The following CPEB3 variants were observed in gnomAD, a reference collection of about 807,000 sequenced individuals.
CPEB3 encodes cytoplasmic polyadenylation element-binding protein 3.
A neutral mutation model predicts 67.2 loss-of-function variants in CPEB3; 20 were observed. That is an observed-to-expected ratio of 0.30 (90% CI 0.21 to 0.43). The LOEUF is 0.43. Ranked by LOEUF, CPEB3 falls within the 20% of genes least tolerant of loss-of-function variation. The pLI, the probability that CPEB3 is intolerant of heterozygous loss-of-function variation, is 1.00. For missense variants in CPEB3, 746 were observed against 968.6 expected (o/e 0.77, Z 3.05); for synonymous variants, 376 against 393.1 (o/e 0.96, Z 0.51).
chr10:92,186,280 C>T (rs936404696), intron 3 of CPEB3, among the ~76,000 whole-genome samples: 4 of 151,132 alleles, frequency 2.6e-5, no homozygotes, highest in African/African-American at 7.3e-5. Context: ...GTTCCAGCTA[C>T]TCACGAGGCT....
intron 2 of CPEB3, among the ~76,000 whole-genome samples, chr10:92,194,967 C>T (rs1849163808): frequency 6.6e-6 from 1 of 151,602 alleles, no homozygotes; most frequent in Non-Finnish European, 1.5e-5. Flanking sequence ...TGGCGTGAAC[C>T]TGGGAGGTGG....
At chr10:92,100,936 A>G (rs1022578427) in intron 7 of CPEB3, among the ~76,000 whole-genome samples, 1 of 152,144 alleles carries the variant, frequency 6.6e-6, no homozygotes, top group Admixed American at 6.6e-5. Flanking sequence ...ATTTCTCAAC[A>G]TAACCACATA....
intron 1 of CPEB3, among the ~76,000 whole-genome samples, chr10:92,248,328 T>A (rs1852154559): frequency 6.6e-6 from 1 of 152,210 alleles, no homozygotes; most frequent in Admixed American, 6.5e-5. Flanking sequence ...ATGCAAGCAT[T>A]CACTTTTTTT....
At chr10:92,147,230 T>C (rs989168424) in intron 4 of CPEB3, among the ~76,000 whole-genome samples, 5 of 152,054 alleles carry the variant, frequency 3.3e-5, no homozygotes, top group Admixed American at 1.3e-4. Flanking sequence ...CCGAGGCAGG[T>C]GGATCACTTG....
chr10:92,167,216 T>G (rs1847785746), intron 4 of CPEB3, among the ~76,000 whole-genome samples: 1 of 152,224 alleles, frequency 6.6e-6, no homozygotes, highest in African/African-American at 2.4e-5. Context: ...ATAAGACTAT[T>G]TCGCTTTCTT....
chr10:92,077,536 C>G (rs1842981025), intron 9 of CPEB3, among the ~76,000 whole-genome samples: 1 of 152,082 alleles, frequency 6.6e-6, no homozygotes. Context: ...GCAGGTAGAT[C>G]ACTTAAGCCC....
intron 4 of CPEB3, among the ~76,000 whole-genome samples, chr10:92,149,747 G>GAAATAATTAA (rs1417585033): frequency 2.6e-5 from 4 of 152,158 alleles, no homozygotes; most frequent in Non-Finnish European, 5.9e-5. Flanking sequence ...CTAACTGTGG[G>GAAATAATTAA]TAATAATTAA....
intron 2 of CPEB3, among the ~76,000 whole-genome samples, chr10:92,217,186 G>A (rs1188167376): frequency 1.9e-5 from 2 of 107,152 alleles, no homozygotes; most frequent in African/African-American, 3.8e-5. Context: ...CCAGCCTGGC[G>A]ACACAGCGAG....
At chr10:92,059,056 G>A (rs1330668319) in intron 9 of CPEB3, among the ~76,000 whole-genome samples, 1 of 152,226 alleles carries the variant, frequency 6.6e-6, no homozygotes, top group Non-Finnish European at 1.5e-5. Flanking sequence ...GTGGGGCACA[G>A]TGGCTCATGC....
chr10:92,101,628 C>T (rs919696075), intron 7 of CPEB3, among the ~76,000 whole-genome samples: 6 of 152,122 alleles, frequency 3.9e-5, no homozygotes, highest in African/African-American at 1.4e-4. Flanking sequence ...AGTTTGTGGC[C>T]GGGTGTGATG....
intron 6 of CPEB3, among the ~76,000 whole-genome samples, chr10:92,119,803 A>G (rs1845246797): frequency 1.3e-5 from 2 of 152,194 alleles, no homozygotes; most frequent in South Asian, 4.1e-4. Context: ...ATTAAAGGTT[A>G]CTTATTTTTC....
At chr10:92,167,862 T>C (rs1847818241) in intron 4 of CPEB3, among the ~76,000 whole-genome samples, 1 of 151,942 alleles carries the variant, frequency 6.6e-6, no homozygotes, top group Non-Finnish European at 1.5e-5. Flanking sequence ...AAGCTGAGAC[T>C]GCACCACTGC....
At chr10:92,174,677 T>C (rs1476803824) in intron 4 of CPEB3, among the ~76,000 whole-genome samples, 1 of 152,194 alleles carries the variant, frequency 6.6e-6, no homozygotes, top group Admixed American at 6.5e-5. Flanking sequence ...CAAACTTTGA[T>C]AAGGAAGAGT....
chr10:92,121,986 G>A (rs1351477735), intron 6 of CPEB3, among the ~76,000 whole-genome samples: 2 of 152,150 alleles, frequency 1.3e-5, no homozygotes, highest in East Asian at 3.8e-4. Context: ...GTTTGCCTCA[G>A]GAGACTTTTT....
At chr10:92,151,364 G>A (rs1441626762) in intron 4 of CPEB3, among the ~76,000 whole-genome samples, 1 of 151,992 alleles carries the variant, frequency 6.6e-6, no homozygotes, top group Non-Finnish European at 1.5e-5. Flanking sequence ...TCACTTTGGG[G>A]GTTTAAGAAA....
At chr10:92,069,856 C>T (rs747073869) in intron 9 of CPEB3, among the ~76,000 whole-genome samples, 13 of 152,138 alleles carry the variant, frequency 8.5e-5, no homozygotes, top group Non-Finnish European at 1.8e-4. Flanking sequence ...TATATGGAGA[C>T]ATTTTAGATA....
intron 1 of CPEB3, among the ~76,000 whole-genome samples, chr10:92,278,474 G>A (rs1467333640): frequency 7.9e-5 from 12 of 151,800 alleles, no homozygotes; most frequent in Non-Finnish European, 4.4e-5. Context: ...TATTCTTTGC[G>A]ATGCCTTTAT....
chr10:92,161,429 GCCCA>G (rs1847472112), intron 4 of CPEB3, among the ~76,000 whole-genome samples: 1 of 151,886 alleles, frequency 6.6e-6, no homozygotes. Context: ...CTGCCACCTT[GCCCA>G]GCTAATTTTT....
At chr10:92,143,396 T>C (rs542212438) in intron 5 of CPEB3, among the ~76,000 whole-genome samples, 4 of 152,320 alleles carry the variant, frequency 2.6e-5, no homozygotes, top group Admixed American at 2.6e-4. Flanking sequence ...AAGTATCTCA[T>C]ATTAAACTAA....
Sources: gnomAD v4.1 joint callset for allele counts (sites outside exome capture counted in the v4.1 genomes callset) on GRCh38, gnomAD v4.1.1 for gene constraint, MANE v1.5 for transcripts, NCBI Gene and HGNC (gene_info 2026-07-23, HGNC 2026-07-21) for gene names.